Variants in KLHDC4 observed in about 807,000 individuals in gnomAD.
KLHDC4 encodes kelch domain containing 4, also known as kelch domain-containing protein 4.
In KLHDC4, 90 loss-of-function variants were observed where a neutral mutation model predicts 62.4. The observed-to-expected ratio is 1.44, with a 90% CI of 1.22 to 1.72. The LOEUF is 1.72. Among genes scored for constraint, KLHDC4 ranks in the 40% most tolerant of loss-of-function variants. KLHDC4 has a pLI of 0.00. For synonymous variants in KLHDC4, 386 were observed against 284.4 expected (o/e 1.36, Z -3.59); for missense variants, 1,025 against 699.7 (o/e 1.47, Z -5.25).
At chr16:87,765,041 G>A (rs1477226336) in intron 1 of KLHDC4, 1 of 443,302 alleles carries the variant, frequency 2.3e-6, no homozygotes. Flanking sequence ...CTGTCAAATG[G>A]GAATACCAGT....
rs2035309805 is a variant in KLHDC4 at position 87,709,362 on chromosome 16, C to T, written c.1350G>A (p.Met450Ile). The T allele has an allele frequency of 6.2e-7, 1 of 1,613,370 alleles. No homozygotes were observed. The highest frequency in any genetic ancestry group is 1.3e-5 in the African/African-American group (1 of 74,936). The change falls in exon 10 of 12, where the codon ATG (methionine) becomes ATA (isoleucine). Residue 450 changes from methionine (M) to isoleucine (I), a missense_variant. Coordinates refer to ENST00000270583, the MANE Select transcript of KLHDC4 (RefSeq NM_017566.4). The part of the protein sequence containing the change: ...KHGVLYVYGG[M>I]FEAGDRQVTL... ...TGACCTGGCGGTCGCCGGCCTCAAA[C>T]ATGCCCCCATAGACGTAGAGCACCC...
chr16:87,735,149 A>C (rs962582110), intron 5 of KLHDC4, among the ~76,000 whole-genome samples: 12 of 151,824 alleles, frequency 7.9e-5, no homozygotes, highest in Non-Finnish European at 1.3e-4. Flanking sequence ...AATACAAAAA[A>C]ATTAGCCAGG....
intron 5 of KLHDC4, among the ~76,000 whole-genome samples, chr16:87,736,423 G>C (rs148756716): frequency 3.7e-4 from 57 of 152,328 alleles, no homozygotes; most frequent in Middle Eastern, 3.4e-3. Context: ...GAGCAAAGGA[G>C]CAATTCCTGC....
At chr16:87,708,952 G>A (rs966293319) in intron 10 of KLHDC4, among the ~76,000 whole-genome samples, 32 of 152,250 alleles carry the variant, frequency 2.1e-4, no homozygotes, top group African/African-American at 5.3e-4. Context: ...CCAGGGCCTC[G>A]GGGCCCGGCT....
At chr16:87,700,600 G>T (rs1249639808) in exon 1 of KLHDC4, 4 of 205,506 alleles carry the variant, frequency 1.9e-5, no homozygotes, top group African/African-American at 9.9e-5. Context: ...GGAGAGAAGA[G>T]GTGGAGGGAG....
At chr16:87,714,425 G>T (rs1164310486) in intron 8 of KLHDC4, 73 bp downstream of exon 8, 1 of 1,364,300 alleles carries the variant, frequency 7.3e-7, no homozygotes, top group Admixed American at 2.0e-5. Context: ...CCACATCCAT[G>T]GGAGGGTGTG....
chr16:87,756,169 G>C (rs1395937690), intron 3 of KLHDC4: 1 of 393,640 alleles, frequency 2.5e-6, no homozygotes, highest in Non-Finnish European at 4.8e-6. Flanking sequence ...GGCAGAGCTG[G>C]GCCTCAGCCT....
intron 2 of KLHDC4, among the ~76,000 whole-genome samples, chr16:87,761,530 C>T (rs2045895915): frequency 6.6e-6 from 1 of 152,212 alleles, no homozygotes; most frequent in Non-Finnish European, 1.5e-5. Flanking sequence ...GGCTTATACT[C>T]AATTTATGTT....
intron 7 of KLHDC4, among the ~76,000 whole-genome samples, chr16:87,720,026 G>A (rs954370536): frequency 1.3e-5 from 2 of 152,332 alleles, no homozygotes; most frequent in African/African-American, 2.4e-5. Flanking sequence ...CAGAAGTACA[G>A]GCCACTTAGC....
chr16:87,738,064 A>C (rs560685264), intron 5 of KLHDC4, among the ~76,000 whole-genome samples: 24 of 152,294 alleles, frequency 1.6e-4, no homozygotes, highest in Admixed American at 1.3e-3. Context: ...GTTACTGTGG[A>C]GTCAGAGAGC....
chr16:87,730,821 G>C, intron 5 of KLHDC4, 177 bp from the exon 6 acceptor site: 2 of 553,422 alleles, frequency 3.6e-6, no homozygotes, highest in Non-Finnish European at 6.3e-6. Flanking sequence ...ATCCTGCTAA[G>C]AGCCCAGCTA....
At chr16:87,715,919 C>A (rs773793670) in intron 7 of KLHDC4, among the ~76,000 whole-genome samples, 1 of 152,138 alleles carries the variant, frequency 6.6e-6, no homozygotes, top group Non-Finnish European at 1.5e-5. Flanking sequence ...AGACTTCAGG[C>A]ACGCTCAGTG....
chr16:87,744,047 G>A (rs971092792), intron 5 of KLHDC4, among the ~76,000 whole-genome samples: 1 of 151,986 alleles, frequency 6.6e-6, no homozygotes, highest in African/African-American at 2.4e-5. Flanking sequence ...GGGAGGCCGA[G>A]GGGGGCAGAT....
chr16:87,742,150 A>G (rs1027570248), intron 5 of KLHDC4, among the ~76,000 whole-genome samples: 3 of 152,012 alleles, frequency 2.0e-5, no homozygotes, highest in African/African-American at 7.2e-5. Flanking sequence ...AGCAGCGGCC[A>G]CATAGTGTGT....
rs147693401 is a variant in KLHDC4 at position 87,749,860 on chromosome 16, G to A, written c.370-1051C>T. ...CAAAGCACACTGGGATTACACACAC[G>A]AACCACCACACCCAGCCTTACGTGA... On this transcript the variant is annotated intron_variant, in intron 4 of 11. Transcript: ENST00000270583. Among the ~76,000 whole-genome samples the A allele has an allele frequency of 7.2e-3, 1,097 of 152,190 alleles. 19 individuals are homozygous for A. The highest frequency in any genetic ancestry group is 0.024 in the African/African-American group (986 of 41,514).
downstream of KLHDC4, among the ~76,000 whole-genome samples, chr16:87,705,896 T>C (rs536868972): frequency 1.2e-4 from 18 of 152,322 alleles, no homozygotes; most frequent in African/African-American, 3.6e-4. Context: ...AGGACCTTGA[T>C]TGCCCAGCAC....
At chr16:87,718,675 C>T (rs1449633999) in intron 7 of KLHDC4, among the ~76,000 whole-genome samples, 1 of 151,142 alleles carries the variant, frequency 6.6e-6, no homozygotes, top group Non-Finnish European at 1.5e-5. Context: ...AGCGTCTCTG[C>T]CTGGCCGCCC....
chr16:87,709,983 C>G (rs2035464256), intron 9 of KLHDC4: 1 of 357,862 alleles, frequency 2.8e-6, no homozygotes, highest in African/African-American at 2.0e-5. Flanking sequence ...CACAGGGCAC[C>G]AGCCCCACAG....
intron 2 of KLHDC4, among the ~76,000 whole-genome samples, chr16:87,758,425 T>C (rs1217800956): frequency 2.0e-5 from 3 of 152,284 alleles, no homozygotes; most frequent in African/African-American, 4.8e-5. Context: ...AACTTGGACA[T>C]ACCAGGTGAA....
Sources: gnomAD v4.1 joint callset for allele counts (sites outside exome capture counted in the v4.1 genomes callset) on GRCh38, gnomAD v4.1.1 for gene constraint, MANE v1.5 for transcripts, NCBI Gene and HGNC (gene_info 2026-07-23, HGNC 2026-07-21) for gene names.